The following DENND2A variants were observed in gnomAD, a reference collection of about 807,000 sequenced individuals.
DENND2A encodes the protein DENN domain containing 2A, also known as DENN domain-containing protein 2A.
A neutral mutation model predicts 105.3 loss-of-function variants in DENND2A; 53 were observed. The observed-to-expected ratio is 0.50, with a 90% confidence interval of 0.40 to 0.63. The LOEUF is 0.63. Ranked by LOEUF, DENND2A falls within the 30% of genes least tolerant of loss-of-function variation. The pLI is 0.00. For synonymous variants in DENND2A, 522 were observed against 508.4 expected, an observed-to-expected ratio of 1.03 and a Z score of -0.36; for missense variants, 1,138 against 1,279.6, an observed-to-expected ratio of 0.89 and a Z score of 1.69.
chr7:140,536,304 G>A (rs561791804), intron 14 of DENND2A, among the ~76,000 whole-genome samples: 114 of 151,770 alleles, frequency 7.5e-4, no homozygotes, highest in African/African-American at 2.3e-3. Flanking sequence ...GCAGTGAGCC[G>A]AGATCATGCC....
intron 6 of DENND2A, 25 bp from the exon 7 acceptor site, chr7:140,569,763 G>A: frequency 6.6e-7 from 1 of 1,514,686 alleles, no homozygotes; most frequent in Non-Finnish European, 9.2e-7. Context: ...GAGAAGAACA[G>A]CCAGTGTTAG....
chr7:140,595,925 T>C (rs547180977), intron 3 of DENND2A, among the ~76,000 whole-genome samples: 1 of 152,214 alleles, frequency 6.6e-6, no homozygotes, highest in East Asian at 1.9e-4. Flanking sequence ...CGGCAGCTCT[T>C]CCCCATGGCT....
intron 14 of DENND2A, among the ~76,000 whole-genome samples, chr7:140,535,946 A>G (rs1796440752): frequency 6.6e-6 from 1 of 152,200 alleles, no homozygotes. Flanking sequence ...CAGGAGCTGG[A>G]AACAGGAGCT....
intron 1 of DENND2A, among the ~76,000 whole-genome samples, chr7:140,611,510 C>T (rs917294194): frequency 6.6e-6 from 1 of 152,078 alleles, no homozygotes; most frequent in Admixed American, 6.6e-5. Flanking sequence ...TGCACTCCAG[C>T]CTACACAACA....
chr7:140,610,250 C>T (rs1444998025), intron 1 of DENND2A, among the ~76,000 whole-genome samples: 2 of 142,076 alleles, frequency 1.4e-5, no homozygotes, highest in African/African-American at 2.7e-5. Flanking sequence ...GGATTACAGA[C>T]ATGAGCCACT....
At chr7:140,605,428 A>G (rs1799655035) in intron 2 of DENND2A, among the ~76,000 whole-genome samples, 1 of 152,244 alleles carries the variant, frequency 6.6e-6, no homozygotes. Context: ...TAGTAGTTAG[A>G]AAAATAAACC....
chr7:140,603,520 C>A (rs907150574), intron 2 of DENND2A, among the ~76,000 whole-genome samples: 2 of 152,188 alleles, frequency 1.3e-5, no homozygotes, highest in African/African-American at 4.8e-5. Context: ...TGGAATGGGG[C>A]CTCACTAGAG....
chr7:140,566,997 C>T (rs917559434), intron 9 of DENND2A, 89 bp downstream of exon 9: 1 of 1,246,270 alleles, frequency 8.0e-7, no homozygotes, highest in Non-Finnish European at 1.1e-6. Flanking sequence ...AGGTGTTCCT[C>T]AGACTCCCAC....
intron 14 of DENND2A, 145 bp downstream of exon 14, chr7:140,544,473 G>A (rs1563129021): frequency 6.8e-6 from 7 of 1,035,704 alleles, no homozygotes; most frequent in Non-Finnish European, 8.8e-6. Flanking sequence ...GAGATTACAG[G>A]TGTGAGTCAC....
intron 1 of DENND2A, among the ~76,000 whole-genome samples, chr7:140,632,971 C>A (rs1800784914): frequency 6.6e-6 from 1 of 151,644 alleles, no homozygotes; most frequent in African/African-American, 2.4e-5. Context: ...AAGCGATTCT[C>A]CTGCCTCAGC....
intron 1 of DENND2A, among the ~76,000 whole-genome samples, chr7:140,615,703 AT>A (rs1248258291): frequency 1.1e-3 from 163 of 142,218 alleles, no homozygotes; most frequent in East Asian, 9.0e-3. Flanking sequence ...CTGTCCGGCT[AT>A]TTTTTTTTTT....
chr7:140,598,110 T>C (rs959644787), intron 3 of DENND2A, among the ~76,000 whole-genome samples: 2 of 152,214 alleles, frequency 1.3e-5, no homozygotes, highest in Non-Finnish European at 2.9e-5. Context: ...AATTCAGTAG[T>C]ACATTAAAAG....
At chr7:140,526,587 T>C (rs946595686) in intron 15 of DENND2A, among the ~76,000 whole-genome samples, 2 of 152,218 alleles carry the variant, frequency 1.3e-5, no homozygotes, top group East Asian at 1.9e-4. Context: ...CTGAGCCACC[T>C]GCAGGAGCAC....
intron 14 of DENND2A, among the ~76,000 whole-genome samples, chr7:140,536,809 C>A (rs1234967558): frequency 6.6e-6 from 1 of 152,006 alleles, no homozygotes; most frequent in Non-Finnish European, 1.5e-5. Context: ...ATTACAGGCG[C>A]CTGCCATCAT....
At chr7:140,563,085 C>G (rs1296663837) in intron 9 of DENND2A, among the ~76,000 whole-genome samples, 1 of 152,122 alleles carries the variant, frequency 6.6e-6, no homozygotes, top group African/African-American at 2.4e-5. Context: ...TAAAGAAGAC[C>G]AAAGAAAGGA....
intron 5 of DENND2A, among the ~76,000 whole-genome samples, chr7:140,577,570 G>A (rs1798357423): frequency 6.6e-6 from 1 of 151,956 alleles, no homozygotes; most frequent in Admixed American, 6.6e-5. Context: ...GCTAATTTTT[G>A]TATTTTTAGT....
At chr7:140,557,208 C>T (rs939392357) in intron 11 of DENND2A, among the ~76,000 whole-genome samples, 1 of 151,740 alleles carries the variant, frequency 6.6e-6, no homozygotes, top group Admixed American at 6.6e-5. Flanking sequence ...AGTTCGAGAC[C>T]AGCCTGGGCA....
chr7:140,612,469 T>C (rs1183097392), intron 1 of DENND2A, among the ~76,000 whole-genome samples: 3 of 151,886 alleles, frequency 2.0e-5, no homozygotes, highest in African/African-American at 4.8e-5. Flanking sequence ...GTATTATATA[T>C]AACTTGACAC....
chr7:140,562,738 T>C (rs996255129), intron 9 of DENND2A, among the ~76,000 whole-genome samples: 2 of 152,178 alleles, frequency 1.3e-5, no homozygotes, highest in South Asian at 2.1e-4. Context: ...CCAAATTTAA[T>C]TGAAGCCATG....
Sources: gnomAD v4.1 joint callset for allele counts (sites outside exome capture counted in the v4.1 genomes callset) on GRCh38, gnomAD v4.1.1 for gene constraint, MANE v1.5 for transcripts, NCBI Gene and HGNC (gene_info 2026-07-23, HGNC 2026-07-21) for gene names.